The following KAZN variants were observed in gnomAD, a reference collection of about 807,000 sequenced individuals.
The protein encoded by KAZN is kazrin, periplakin interacting protein, also known as kazrin.
In KAZN, 40 loss-of-function variants were observed where a neutral mutation model predicts 87.4. The observed-to-expected ratio is 0.46, with a 90% CI of 0.36 to 0.60. The LOEUF (loss-of-function observed/expected upper bound fraction) is 0.60, where lower values mean the gene tolerates loss of function less well. KAZN is among the 20% of genes least tolerant of loss of function. The pLI is 0.00. For missense variants in KAZN, 898 were observed against 1,073.9 expected (o/e 0.84, Z 2.29); for synonymous variants, 466 against 458.3 (o/e 1.02, Z -0.22).
At chr1:13,990,746 T>C (rs1639239863) in intron 1 of KAZN, among the ~76,000 whole-genome samples, 1 of 152,206 alleles carries the variant, frequency 6.6e-6, no homozygotes, top group African/African-American at 2.4e-5. Flanking sequence ...GAGTGAAATG[T>C]ACTGATGTTT....
At chr1:14,223,728 G>A (rs953411950) in intron 2 of KAZN, among the ~76,000 whole-genome samples, 22 of 152,202 alleles carry the variant, frequency 1.4e-4, no homozygotes, top group African/African-American at 5.3e-4. Flanking sequence ...TCTCGACGAT[G>A]AAACTGATAC....
intron 2 of KAZN, among the ~76,000 whole-genome samples, chr1:14,336,957 T>C (rs1657314351): frequency 6.6e-6 from 1 of 152,228 alleles, no homozygotes; most frequent in South Asian, 2.1e-4. Context: ...TGAAGTCCAA[T>C]TTATTCAATT....
chr1:14,929,965 C>G (rs955041155), intron 1 of KAZN: 29 of 985,346 alleles, frequency 2.9e-5, no homozygotes, highest in Non-Finnish European at 3.5e-5. Flanking sequence ...CCCCAGAGCC[C>G]TCATCAGATG....
chr1:14,390,604 G>A (rs1226144271), intron 2 of KAZN: 3 of 152,398 alleles, frequency 2.0e-5, no homozygotes, highest in Admixed American at 6.5e-5. Context: ...GTAGCTGGAG[G>A]TAAATTCAGA....
At chr1:14,189,742 C>T (rs867287404) in intron 2 of KAZN, among the ~76,000 whole-genome samples, 4 of 152,084 alleles carry the variant, frequency 2.6e-5, no homozygotes, top group African/African-American at 9.7e-5. Context: ...CAAAGCAAGT[C>T]GCATCACCGA....
At chr1:15,075,614 G>A (rs1639704067) in intron 8 of KAZN, among the ~76,000 whole-genome samples, 1 of 152,200 alleles carries the variant, frequency 6.6e-6, no homozygotes, top group Admixed American at 6.5e-5. Context: ...AGAAGTCTCT[G>A]TGGCTCATAT....
In KAZN at chr1:14,432,769, C is replaced by T. The variant is rs142045609; in HGVS notation, c.250-166214C>T. Among the ~76,000 whole-genome samples the T allele has an allele frequency of 4.7e-3, 709 of 152,106 alleles. 2 individuals carry two copies. Among genetic ancestry groups the T allele is most frequent in the Non-Finnish European group, 6.1e-3 (418 of 67,994 alleles). On this transcript the variant is annotated intron_variant, in intron 2 of 16. Coordinates refer to the KAZN transcript ENST00000636203. Reference sequence around the variant, plus strand: ...GGTCCCGGTGTGTGTTGTTCCTCTCCGTGTCCCTATGTTCTCATTGTTCAG... The same window carrying T: ...GGTCCCGGTGTGTGTTGTTCCTCTCTGTGTCCCTATGTTCTCATTGTTCAG...
chr1:14,905,341 C>T (rs1314295360), intron 1 of KAZN, among the ~76,000 whole-genome samples: 1 of 152,154 alleles, frequency 6.6e-6, no homozygotes, highest in African/African-American at 2.4e-5. Flanking sequence ...GAATAACAGG[C>T]GTGATCTACT....
chr1:15,028,137 T>C (rs537846866), intron 2 of KAZN, among the ~76,000 whole-genome samples: 28 of 152,332 alleles, frequency 1.8e-4, no homozygotes, highest in Middle Eastern at 6.8e-3. Context: ...GGTTACACCC[T>C]GGTCTCAGGC....
intron 2 of KAZN, among the ~76,000 whole-genome samples, chr1:14,591,434 CA>C (rs1209025334): frequency 6.6e-6 from 1 of 151,926 alleles, no homozygotes; most frequent in Non-Finnish European, 1.5e-5. Flanking sequence ...CACACACACA[CA>C]CACACACACA....
intron 1 of KAZN, among the ~76,000 whole-genome samples, chr1:14,844,093 T>C (rs1483330757): frequency 3.3e-5 from 5 of 152,206 alleles, no homozygotes; most frequent in Non-Finnish European, 1.5e-5. Flanking sequence ...TCCAAATGTA[T>C]GCTTTGAGCT....
intron 1 of KAZN, among the ~76,000 whole-genome samples, chr1:14,893,650 T>C (rs1654962033): frequency 6.6e-6 from 1 of 152,140 alleles, no homozygotes; most frequent in African/African-American, 2.4e-5. Flanking sequence ...TCTGACCATA[T>C]TGTGTCTGGA....
At chr1:14,134,498 T>A (rs1645061981) in intron 1 of KAZN, among the ~76,000 whole-genome samples, 1 of 152,158 alleles carries the variant, frequency 6.6e-6, no homozygotes, top group African/African-American at 2.4e-5. Context: ...AAAGATTAAA[T>A]GACCTGCCCA....
intron 2 of KAZN, among the ~76,000 whole-genome samples, chr1:14,266,433 C>A (rs1651478137): frequency 6.6e-6 from 1 of 152,202 alleles, no homozygotes; most frequent in Non-Finnish European, 1.5e-5. Flanking sequence ...AATTTTACCA[C>A]ACGCTAATTG....
intron 2 of KAZN, among the ~76,000 whole-genome samples, chr1:14,497,427 T>C (rs1670009822): frequency 1.4e-5 from 2 of 146,490 alleles, no homozygotes; most frequent in African/African-American, 2.5e-5. Flanking sequence ...CAAACTGTAA[T>C]AAATCATTTT....
intron 8 of KAZN, among the ~76,000 whole-genome samples, chr1:15,093,155 C>T (rs990309767): frequency 6.6e-6 from 1 of 152,106 alleles, no homozygotes; most frequent in Non-Finnish European, 1.5e-5. Context: ...TCAAAAGGTA[C>T]CGCAGGTCTC....
At chr1:14,326,859 C>T (rs1292681115) in intron 2 of KAZN, among the ~76,000 whole-genome samples, 1 of 151,718 alleles carries the variant, frequency 6.6e-6, no homozygotes, top group Non-Finnish European at 1.5e-5. Flanking sequence ...TCTGATGATC[C>T]CACATACAAT....
At position 13,951,609 on chromosome 1, in the gene KAZN, AG is replaced by A. The variant is rs1641345700; in HGVS notation, c.91+57854del. On this transcript the variant is annotated intron_variant, in intron 1 of 16. Coordinates refer to the KAZN transcript ENST00000636203. The stretch of plus-strand genomic sequence containing the variant: ...AAGCCACTTCACTGCTTAGAATCTT[AG>A]CTCTAAAATGGAGATAATAATAATA... Among the ~76,000 whole-genome samples, 3 of 151,454 alleles carry A rather than the reference AG, an allele frequency of 2.0e-5. No individual in the cohort carries two copies. The South Asian group carries it at 6.3e-4, about 32-fold the overall frequency.
intron 2 of KAZN, among the ~76,000 whole-genome samples, chr1:15,031,831 G>A (rs1459569479): frequency 6.6e-6 from 1 of 152,006 alleles, no homozygotes; most frequent in Non-Finnish European, 1.5e-5. Context: ...GGCTAGTCTC[G>A]AGCTCCTGGA....
Sources: gnomAD v4.1 joint callset for allele counts (sites outside exome capture counted in the v4.1 genomes callset) on GRCh38, gnomAD v4.1.1 for gene constraint, MANE v1.5 for transcripts, NCBI Gene and HGNC (gene_info 2026-07-23, HGNC 2026-07-21) for gene names.